GTF2H1: variants seen among roughly 807,000 people sequenced by gnomAD.
GTF2H1 encodes BTF2 p62.
A neutral mutation model predicts 71.2 loss-of-function variants in GTF2H1; 16 were observed. The ratio of observed to expected loss-of-function variants is 0.22; its 90% CI spans 0.15 to 0.34. GTF2H1 has a LOEUF of 0.34. Among genes scored for constraint, GTF2H1 ranks in the 10% least tolerant of loss-of-function variants. The pLI is 1.00. For synonymous variants in GTF2H1, 215 were observed against 219.0 expected (o/e 0.98, Z 0.16); for missense variants, 498 against 648.2 (o/e 0.77, Z 2.52).
intron 1 of GTF2H1, among the ~76,000 whole-genome samples, chr11:18,323,315 G>A (rs1290674871): frequency 6.6e-6 from 1 of 151,704 alleles, no homozygotes; most frequent in Non-Finnish European, 1.5e-5. Context: ...TTTTTTTTAA[G>A]AGACAGAGTC....
At chr11:18,359,788 G>A (rs909240780) in intron 13 of GTF2H1, among the ~76,000 whole-genome samples, 6 of 151,768 alleles carry the variant, frequency 4.0e-5, no homozygotes, top group African/African-American at 7.3e-5. Context: ...TCTGCTCACT[G>A]CAGCCGCTAC....
At chr11:18,362,492 T>C (rs1473001593) in intron 14 of GTF2H1, among the ~76,000 whole-genome samples, 1 of 152,162 alleles carries the variant, frequency 6.6e-6, no homozygotes, top group South Asian at 2.1e-4. Context: ...TTTTACCTTA[T>C]AAACTTTTAA....
chr11:18,343,369 C>T (rs986294026), intron 7 of GTF2H1, among the ~76,000 whole-genome samples: 2 of 152,116 alleles, frequency 1.3e-5, no homozygotes, highest in African/African-American at 4.8e-5. Flanking sequence ...TTTTAGATGC[C>T]TGCATAGTAT....
At chr11:18,342,766 TTGTACA>T (rs544884726) in intron 7 of GTF2H1, among the ~76,000 whole-genome samples, 146 of 152,228 alleles carry the variant, frequency 9.6e-4, no homozygotes, top group Non-Finnish European at 1.7e-3. Flanking sequence ...TGATGGCATA[TTGTACA>T]TGTACATTTG....
At chr11:18,348,032 G>T in intron 9 of GTF2H1, 113 bp downstream of exon 9, 1 of 786,620 alleles carries the variant, frequency 1.3e-6, no homozygotes, top group Non-Finnish European at 2.2e-6. Flanking sequence ...TAACTAAGAT[G>T]TTAAGCATTT....
chr11:18,350,350 G>A (rs969574584), intron 9 of GTF2H1, among the ~76,000 whole-genome samples: 1 of 152,272 alleles, frequency 6.6e-6, no homozygotes, highest in Admixed American at 6.5e-5. Context: ...AACAGCAGGG[G>A]TAGAGATAAG....
In GTF2H1 at chr11:18,341,373, G is replaced by A. The variant is rs1418660244; in HGVS notation, c.720G>A (p.Lys240=). 6.2e-7 allele frequency: 1 copy of A among 1,613,980 alleles called. No homozygotes were observed. Among genetic ancestry groups the A allele is most frequent in the Non-Finnish European group, 8.5e-7 (1 of 1,179,942 alleles). Residue 240 remains lysine (K), a synonymous_variant, in exon 6 of 15, where the codon AAG becomes AAA. Transcript: ENST00000265963. ...FHRDRLNTGS[K]DLFAECAKID... Reference sequence around the variant, plus strand: ...GGGATCGGCTGAATACAGGGTCAAAGGATCTCTTTGCAGAATGTGCCAAAA... The same window carrying A: ...GGGATCGGCTGAATACAGGGTCAAAAGATCTCTTTGCAGAATGTGCCAAAA...
At chr11:18,334,197 A>G (rs1025176724) in intron 2 of GTF2H1, among the ~76,000 whole-genome samples, 4 of 152,126 alleles carry the variant, frequency 2.6e-5, no homozygotes, top group East Asian at 1.9e-4. Context: ...GGCTAACACA[A>G]TGAAACCCCA....
intron 1 of GTF2H1, among the ~76,000 whole-genome samples, chr11:18,327,592 A>G (rs1191457393): frequency 2.0e-5 from 3 of 152,168 alleles, no homozygotes; most frequent in South Asian, 4.1e-4. Flanking sequence ...AACCTGACAC[A>G]TTATTAAGCA....
chr11:18,356,439 A>G (rs1053156628), intron 11 of GTF2H1, among the ~76,000 whole-genome samples: 15 of 152,124 alleles, frequency 9.9e-5, no homozygotes, highest in Admixed American at 9.2e-4. Context: ...TTGTCCCTTC[A>G]GCAGAAAGCT....
intron 11 of GTF2H1, among the ~76,000 whole-genome samples, chr11:18,352,912 C>G (rs1481694496): frequency 6.6e-6 from 1 of 152,226 alleles, no homozygotes; most frequent in Admixed American, 6.5e-5. Context: ...CATAATGCTA[C>G]TGCAAGTTGT....
chr11:18,354,336 C>CT (rs1165507835), intron 11 of GTF2H1, among the ~76,000 whole-genome samples: 1 of 152,224 alleles, frequency 6.6e-6, no homozygotes, highest in Non-Finnish European at 1.5e-5. Flanking sequence ...AAAAAGTTAA[C>CT]TATTTTTCCC....
Position 18,341,540 on chromosome 11 carries a change from T to A in GTF2H1, c.770T>A (p.Met257Lys). ...GTTGATTTTCTAGGCCTAAAAACAA[T>A]GGTTTCATTAGGAGTGAAAAACCCA... The part of the protein sequence containing the change: ...AKIDEKGLKT[M>K]VSLGVKNPLL... The change falls in exon 7 of 15, where the codon ATG (methionine) becomes AAG (lysine). Residue 257 changes from methionine (M) to lysine (K), a missense_variant. Around this residue, in one of 3 missense-constraint regions of GTF2H1, gnomAD observed 216 missense variants for 306.2 expected, o/e 0.71. Transcript: ENST00000265963. 1.9e-6 allele frequency: 3 copies of A among 1,611,122 alleles called. No individual in the cohort carries two copies. In the East Asian group the frequency reaches 6.7e-5, roughly 36 times the overall value.
chr11:18,336,426 C>G (rs1391487181), intron 3 of GTF2H1, among the ~76,000 whole-genome samples: 1 of 152,202 alleles, frequency 6.6e-6, no homozygotes, highest in Admixed American at 6.5e-5. Flanking sequence ...CCACGCCCGG[C>G]CACCTATCCT....
rs978843245 is a variant in GTF2H1, at chr11:18,362,641, G to A, written c.1560+1934G>A. Among the ~76,000 whole-genome samples the A allele has an allele frequency of 8.3e-5, 12 of 143,718 alleles. 1 individual carries two copies. The highest frequency in any genetic ancestry group is 6.6e-4 in the South Asian group (3 of 4,518). The allele number at this position is 143,718 out of a possible 152,430, so 94.3% of individuals were successfully genotyped here. On this transcript the variant is annotated intron_variant, in intron 14 of 14. Transcript: ENST00000265963. Reference sequence around the variant, plus strand: ...TTTCTCTCTCTCTCTCCCTCTCTCCGTATAGATATATATATTTTTTCTTTT... The same window carrying A: ...TTTCTCTCTCTCTCTCCCTCTCTCCATATAGATATATATATTTTTTCTTTT...
rs1458416027 is a variant in GTF2H1 at position 18,352,360 on chromosome 11, C to G, written c.1174C>G (p.Leu392Val). The G allele has an allele frequency of 3.2e-6, 5 of 1,568,184 alleles. No individual in the cohort carries two copies. The highest frequency in any genetic ancestry group is 3.3e-5 in the Admixed American group (2 of 59,794). The change falls in exon 11 of 15, where the codon CTA (leucine) becomes GTA (valine). Residue 392 changes from leucine to valine, a missense_variant. Transcript: ENST00000265963. ...YYHGPTPIQS[L>V]QYATSQDIIN... ...TCATGGTCCAACTCCAATCCAGTCA[C>G]TACAGTATGCAACAAGTCAGGACAT...
intron 11 of GTF2H1, among the ~76,000 whole-genome samples, chr11:18,356,676 C>G (rs1298143317): frequency 6.6e-6 from 1 of 152,038 alleles, no homozygotes; most frequent in Non-Finnish European, 1.5e-5. Flanking sequence ...CCTTGAACTC[C>G]TGGGCTCAGG....
intron 7 of GTF2H1, 25 bp from the exon 8 acceptor site, chr11:18,347,563 A>T (rs565808523): frequency 3.8e-5 from 58 of 1,520,576 alleles, no homozygotes; most frequent in African/African-American, 7.0e-5. Context: ...TTTTTAAAAA[A>T]TTTTTAATCT....
intron 12 of GTF2H1, 85 bp from the exon 13 acceptor site, chr11:18,358,440 A>G (rs1227503713): frequency 2.8e-5 from 21 of 748,610 alleles, no homozygotes; most frequent in Admixed American, 2.7e-4. Context: ...TACACATTCA[A>G]ATTTATTCTC....
Sources: gnomAD v4.1 joint callset for allele counts (sites outside exome capture counted in the v4.1 genomes callset) on GRCh38, gnomAD v4.1.1 for gene constraint, gnomAD v4.1.1 regional missense constraint, MANE v1.5 for transcripts, NCBI Gene and HGNC (gene_info 2026-07-23, HGNC 2026-07-21) for gene names.